The following AKAP13 variants were observed in gnomAD, a reference collection of about 807,000 sequenced individuals.
AKAP13 encodes the protein A-kinase anchor protein 13.
In AKAP13, 80 loss-of-function variants were observed where a neutral mutation model predicts 264.5. That is an observed-to-expected ratio of 0.30 (90% CI 0.25 to 0.36). The LOEUF is 0.36. Ranked by LOEUF, AKAP13 falls within the 10% of genes least tolerant of loss-of-function variation. AKAP13 has a pLI of 1.00. For missense variants in AKAP13, 3,712 were observed against 3,435.2 expected (o/e 1.08, Z -2.01); for synonymous variants, 1,380 against 1,250.2 (o/e 1.10, Z -2.19).
At chr15:85,476,593 A>C (rs1342403114) in intron 1 of AKAP13, among the ~76,000 whole-genome samples, 1 of 152,228 alleles carries the variant, frequency 6.6e-6, no homozygotes, top group African/African-American at 2.4e-5. Context: ...CAGATGAGGA[A>C]AATAAAGCTT....
At chr15:85,508,675 T>G (rs1259361340) in intron 2 of AKAP13, among the ~76,000 whole-genome samples, 1 of 146,632 alleles carries the variant, frequency 6.8e-6, no homozygotes, top group East Asian at 1.9e-4. Flanking sequence ...TTCAAAACCC[T>G]CCAATGGTTT....
intron 3 of AKAP13, among the ~76,000 whole-genome samples, chr15:85,529,067 T>C (rs1425029929): frequency 6.6e-6 from 1 of 152,226 alleles, no homozygotes; most frequent in Non-Finnish European, 1.5e-5. Flanking sequence ...TTGTGGTTAT[T>C]ATATCAAATT....
At chr15:85,586,686 GA>G (rs1184245443) in intron 8 of AKAP13, among the ~76,000 whole-genome samples, 1 of 152,166 alleles carries the variant, frequency 6.6e-6, no homozygotes, top group African/African-American at 2.4e-5. Flanking sequence ...AGCACTTTGG[GA>G]GGCTGAGGTG....
intron 10 of AKAP13, 66 bp downstream of exon 10, chr15:85,646,020 A>C: frequency 6.4e-7 from 1 of 1,553,532 alleles, no homozygotes; most frequent in Admixed American, 1.9e-5. Flanking sequence ...GGCTTCCCAA[A>C]CTCTTTTCCA....
In AKAP13 at chr15:85,585,785, G is replaced by C; in HGVS notation, c.4123G>C (p.Ala1375Pro). 1 of 1,614,150 alleles carries C rather than the reference G, an allele frequency of 6.2e-7. No homozygotes were observed. Residue 1375 changes from alanine (A) to proline (P), a missense_variant, in exon 8 of 37, where the codon GCT (alanine) becomes CCT (proline). By Grantham distance (27) the Ala-to-Pro change is conservative (BLOSUM62 -1). Transcript: ENST00000394518. Reference protein sequence around the residue: ...SEEVAVGSIAATLKMKQGPMT... With the variant: ...SEEVAVGSIAPTLKMKQGPMT... ...AGAAGTGGCTGTAGGGAGCATAGCT[G>C]CTACACTGAAGATGAAGCAAGGCCC...
At chr15:85,459,697 C>T (rs2150996730) in intron 1 of AKAP13, among the ~76,000 whole-genome samples, 1 of 152,190 alleles carries the variant, frequency 6.6e-6, no homozygotes, top group Non-Finnish European at 1.5e-5. Context: ...GATGGGGTTT[C>T]ACCGTGTTAG....
At chr15:85,715,956 G>C in intron 20 of AKAP13, 33 bp downstream of exon 20, 1 of 1,595,588 alleles carries the variant, frequency 6.3e-7, no homozygotes, top group South Asian at 1.1e-5. Flanking sequence ...AGCACAGTTG[G>C]CATCTAGGTG....
At chr15:85,433,193 T>TTTAACCAG (rs1214373987) in intron 1 of AKAP13, among the ~76,000 whole-genome samples, 4 of 145,674 alleles carry the variant, frequency 2.7e-5, no homozygotes, top group Non-Finnish European at 6.0e-5. Flanking sequence ...AGCTATCCCA[T>TTTAACCAG]TTAACCAGTT....
intron 12 of AKAP13, among the ~76,000 whole-genome samples, chr15:85,658,873 C>G (rs2083215801): frequency 1.3e-5 from 2 of 152,052 alleles, no homozygotes; most frequent in African/African-American, 4.8e-5. Flanking sequence ...AGAATAGGGT[C>G]TCACCTAGCT....
chr15:85,677,486 TG>T (rs948470472), intron 14 of AKAP13, among the ~76,000 whole-genome samples: 4 of 152,216 alleles, frequency 2.6e-5, no homozygotes, highest in African/African-American at 9.7e-5. Context: ...TTCTGTCTCA[TG>T]GGACAGATAT....
intron 1 of AKAP13, among the ~76,000 whole-genome samples, chr15:85,387,669 T>C (rs374675636): frequency 1.1e-5 from 1 of 87,618 alleles, no homozygotes; most frequent in African/African-American, 2.7e-5. Context: ...GGAAATCAGT[T>C]AGGGGGCAAT....
chr15:85,662,019 C>T (rs1320377739), intron 12 of AKAP13, among the ~76,000 whole-genome samples: 3 of 151,720 alleles, frequency 2.0e-5, no homozygotes, highest in East Asian at 3.9e-4. Context: ...TGGGAGTATG[C>T]GATGTACTGA....
chr15:85,717,669 G>A (rs752586006), intron 21 of AKAP13, among the ~76,000 whole-genome samples: 51 of 152,150 alleles, frequency 3.4e-4, no homozygotes, highest in Non-Finnish European at 3.4e-4. Context: ...TTTTTTACAT[G>A]TACAGTTCTA....
rs766870256 is a variant in AKAP13 at position 85,581,508 on chromosome 15, T to C, written c.3440T>C (p.Val1147Ala). 1.9e-6 allele frequency: 3 copies of C among 1,613,700 alleles called. No homozygotes were observed. The highest frequency in any genetic ancestry group is 2.5e-6 in the Non-Finnish European group (3 of 1,179,916). ...QDKAVTDPQG[V>A]GTPEMIPLDW... The stretch of plus-strand genomic sequence containing the variant: ...AAAGCTGTGACTGACCCACAGGGAG[T>C]TGGAACCCCAGAGATGATACCTCTT... Residue 1147 changes from valine (V) to alanine (A), a missense_variant, in exon 7 of 37, where the codon GTT (valine) becomes GCT (alanine). Around this residue, in one of 3 missense-constraint regions of AKAP13, gnomAD observed 2,759 missense variants for 2,411.7 expected, o/e 1.14. Coordinates refer to ENST00000394518, the MANE Select transcript of AKAP13 (RefSeq NM_007200.5).
chr15:85,538,716 C>T (rs1222856190), intron 4 of AKAP13, among the ~76,000 whole-genome samples: 1 of 151,272 alleles, frequency 6.6e-6, no homozygotes, highest in Non-Finnish European at 1.5e-5. Flanking sequence ...GTCTCGATCT[C>T]CTGACCTCGT....
chr15:85,740,438 G>C, intron 34 of AKAP13, 166 bp downstream of exon 34: 1 of 663,316 alleles, frequency 1.5e-6, no homozygotes, highest in South Asian at 2.1e-5. Flanking sequence ...AGAATGCATC[G>C]ACCTTCCAGG....
chr15:85,603,564 A>G (rs1276851890), intron 8 of AKAP13, among the ~76,000 whole-genome samples: 3 of 152,200 alleles, frequency 2.0e-5, no homozygotes. Context: ...TGGTTTTTAA[A>G]CTTTGTGATG....
chr15:85,536,363 T>A lies in AKAP13; in HGVS notation c.478+2483T>A, dbSNP rs372933954. On this transcript the variant is annotated intron_variant, in intron 4 of 36. Coordinates refer to ENST00000394518, the MANE Select transcript of AKAP13 (RefSeq NM_007200.5). Reference sequence around the variant, plus strand: ...TGGCAAAGATGAAGAACATATCATATGTTGCTTGTAGGAATGCAAAATGTA... The same window carrying A: ...TGGCAAAGATGAAGAACATATCATAAGTTGCTTGTAGGAATGCAAAATGTA... 9 of 152,364 alleles carry A rather than the reference T, an allele frequency of 5.9e-5. No homozygotes were observed. In the South Asian group the frequency reaches 1.9e-3, roughly 32 times the overall value. The allele number at this position is 152,364 out of a possible 1,614,324, so 9.4% of individuals were successfully genotyped here.
intron 12 of AKAP13, chr15:85,662,561 C>A: frequency 1.6e-6 from 2 of 1,228,588 alleles, no homozygotes; most frequent in South Asian, 2.5e-5. Flanking sequence ...ATATGGGCAG[C>A]CTGCTTTGTC....
Sources: allele counts gnomAD v4.1 joint callset (sites outside exome capture counted in the v4.1 genomes callset), GRCh38; gene constraint gnomAD v4.1.1; regional missense constraint gnomAD v4.1.1; transcripts MANE v1.5; gene names NCBI Gene and HGNC (gene_info 2026-07-23, HGNC 2026-07-21).